PTPRT: variants seen among roughly 807,000 people sequenced by gnomAD.
The protein encoded by PTPRT is protein tyrosine phosphatase receptor type T, also known as receptor-type tyrosine-protein phosphatase T.
A neutral mutation model predicts 176.8 loss-of-function variants in PTPRT; 56 were observed. The observed-to-expected ratio is 0.32, with a 90% CI of 0.26 to 0.40. The LOEUF (loss-of-function observed/expected upper bound fraction) is 0.40. Among genes scored for constraint, PTPRT ranks in the 10% least tolerant of loss-of-function variants. The probability of loss-of-function intolerance (pLI) is 1.00; values close to 1 mark genes in which losing one functional copy is unlikely to be tolerated. For missense variants in PTPRT, 1,540 were observed against 1,908.2 expected (o/e 0.81, Z 3.60); for synonymous variants, 783 against 739.0 (o/e 1.06, Z -0.96).
At chr20:42,616,219 C>G (rs1396441446) in intron 7 of PTPRT, among the ~76,000 whole-genome samples, 4 of 123,806 alleles carry the variant, frequency 3.2e-5, no homozygotes, top group African/African-American at 1.6e-4. Flanking sequence ...GCTTGTTTTT[C>G]TCAGGTTTGT....
rs1310547911 is a variant in PTPRT at position 42,872,792 on chromosome 20, G to A, written c.214+13015C>T. Among the ~76,000 whole-genome samples the A allele has an allele frequency of 2.6e-5, 4 of 152,184 alleles. 1 individual carries two copies. Among genetic ancestry groups the A allele is most frequent in the African/African-American group, 2.4e-5 (1 of 41,446 alleles). ...ATGGCAGAGCTAGGACAGAATCCAG[G>A]ACTCCTTATTTTTAGATCCATTTCA... On this transcript the variant is annotated intron_variant, in intron 2 of 30. Coordinates refer to ENST00000373187, the MANE Select transcript of PTPRT (RefSeq NM_007050.6).
chr20:43,161,850 G>A (rs1032451739), intron 1 of PTPRT, among the ~76,000 whole-genome samples: 5 of 152,174 alleles, frequency 3.3e-5, no homozygotes, highest in East Asian at 1.9e-4. Context: ...AGACCACAGC[G>A]AGCAGAACAG....
chr20:42,111,193 C>G (rs2146296247), intron 22 of PTPRT, among the ~76,000 whole-genome samples: 1 of 152,300 alleles, frequency 6.6e-6, no homozygotes, highest in Non-Finnish European at 1.5e-5. Flanking sequence ...ATGGCCAGGT[C>G]ACACTTCTAA....
rs562975586 is a variant in PTPRT at position 42,459,929 on chromosome 20, C to T, written c.1451-11600G>A. Among the ~76,000 whole-genome samples, 27 of 151,926 alleles carry T rather than the reference C, an allele frequency of 1.8e-4. No individual in the cohort carries two copies. The East Asian group carries it at 5.0e-3, about 28-fold the overall frequency. ...ACCATCCCCAGCCAGAAGGGATTTTCTTTGGAGATGTAAAAGCCAGGGCCT... is the reference window on the plus strand; with the variant it reads ...ACCATCCCCAGCCAGAAGGGATTTTTTTTGGAGATGTAAAAGCCAGGGCCT... On this transcript the variant is annotated intron_variant, in intron 8 of 30. Transcript: ENST00000373187.
intron 7 of PTPRT, among the ~76,000 whole-genome samples, chr20:42,590,318 T>C (rs2073547112): frequency 6.6e-6 from 1 of 152,128 alleles, no homozygotes; most frequent in Non-Finnish European, 1.5e-5. Flanking sequence ...CTGAGCTAGT[T>C]ATGGTTCATC....
At chr20:42,388,006 C>G (rs1276407712) in intron 9 of PTPRT, among the ~76,000 whole-genome samples, 1 of 151,912 alleles carries the variant, frequency 6.6e-6, no homozygotes, top group Non-Finnish European at 1.5e-5. Context: ...TGGCCAGGCT[C>G]GTCTCGAACT....
At chr20:43,083,339 T>C (rs6103147) in intron 1 of PTPRT, among the ~76,000 whole-genome samples, 23 of 109,194 alleles carry the variant, frequency 2.1e-4, no homozygotes, top group Non-Finnish European at 2.9e-4. Context: ...TATATATATA[T>C]ATATATATAT....
intron 7 of PTPRT, among the ~76,000 whole-genome samples, chr20:42,523,238 T>A (rs1271180479): frequency 6.6e-6 from 1 of 152,138 alleles, no homozygotes; most frequent in African/African-American, 2.4e-5. Flanking sequence ...GATGCCTTAT[T>A]ACTTTCCTCT....
At chr20:42,057,596 C>CT in the PTPRT span, among the ~76,000 whole-genome samples, 5,850 of 151,414 alleles carry the variant, frequency 0.039, 178 homozygotes, top group Middle Eastern at 0.075. Context: ...TTGTTCTTAT[C>CT]TTTTTTTTTA....
chr20:42,140,457 G>A (rs1988570951), intron 18 of PTPRT, among the ~76,000 whole-genome samples: 1 of 152,210 alleles, frequency 6.6e-6, no homozygotes, highest in Non-Finnish European at 1.5e-5. Flanking sequence ...ATATTTGGCA[G>A]TGACAATACT....
At chr20:42,477,389 A>AT (rs1489556393) in intron 7 of PTPRT, among the ~76,000 whole-genome samples, 3 of 151,736 alleles carry the variant, frequency 2.0e-5, no homozygotes, top group Admixed American at 2.0e-4. Flanking sequence ...ATATATATAT[A>AT]TATATTTTTT....
At chr20:42,269,909 C>CT (rs1357156932) in intron 13 of PTPRT, among the ~76,000 whole-genome samples, 1 of 152,252 alleles carries the variant, frequency 6.6e-6, no homozygotes, top group African/African-American at 2.4e-5. Flanking sequence ...GTTATGTCAA[C>CT]TTTTTTCCCA....
At chr20:42,199,036 GGAA>G (rs1991342889) in intron 16 of PTPRT, among the ~76,000 whole-genome samples, 2 of 152,104 alleles carry the variant, frequency 1.3e-5, no homozygotes, top group Non-Finnish European at 2.9e-5. Context: ...TCTGATTTGG[GGAA>G]GATTTTTTAA....
intron 1 of PTPRT, among the ~76,000 whole-genome samples, chr20:42,995,922 C>A (rs1984195890): frequency 6.6e-6 from 1 of 152,106 alleles, no homozygotes; most frequent in African/African-American, 2.4e-5. Context: ...CTCAAGCGAT[C>A]CTCCTGCCTC....
intron 12 of PTPRT, among the ~76,000 whole-genome samples, chr20:42,293,963 A>G (rs568461472): frequency 6.6e-6 from 1 of 152,340 alleles, no homozygotes; most frequent in East Asian, 1.9e-4. Context: ...AACACAGGAA[A>G]AGAAGAAAAA....
chr20:42,535,407 A>T (rs1363667442), intron 7 of PTPRT, among the ~76,000 whole-genome samples: 1 of 152,158 alleles, frequency 6.6e-6, no homozygotes, highest in African/African-American at 2.4e-5. Context: ...AATAATCTGT[A>T]CACCAACCCT....
intron 15 of PTPRT, among the ~76,000 whole-genome samples, chr20:42,201,054 C>T (rs889076200): frequency 6.6e-6 from 1 of 152,200 alleles, no homozygotes; most frequent in Non-Finnish European, 1.5e-5. Flanking sequence ...GTGGCTCATG[C>T]CTGTAATCCC....
intron 7 of PTPRT, among the ~76,000 whole-genome samples, chr20:42,564,514 G>A (rs774376907): frequency 1.3e-5 from 2 of 152,164 alleles, no homozygotes; most frequent in African/African-American, 2.4e-5. Context: ...ACTCATAAGT[G>A]GGGGTTGAAC....
At chr20:42,392,389 T>C (rs1237996276) in intron 9 of PTPRT, among the ~76,000 whole-genome samples, 1 of 152,178 alleles carries the variant, frequency 6.6e-6, no homozygotes, top group African/African-American at 2.4e-5. Context: ...CATTTTCCTC[T>C]ACTGAAGGGC....
Sources: gnomAD v4.1 joint callset for allele counts (sites outside exome capture counted in the v4.1 genomes callset) on GRCh38, gnomAD v4.1.1 for gene constraint, MANE v1.5 for transcripts, NCBI Gene and HGNC (gene_info 2026-07-23, HGNC 2026-07-21) for gene names.